PODNL1: variants seen among roughly 807,000 people sequenced by gnomAD.
The protein encoded by PODNL1 is podocan like 1.
A neutral mutation model predicts 45.1 loss-of-function variants in PODNL1; 50 were observed. That is an observed-to-expected ratio of 1.11 (90% CI 0.88 to 1.40). The LOEUF (loss-of-function observed/expected upper bound fraction) is 1.40, where lower values mean the gene tolerates loss of function less well. Ranked by LOEUF, PODNL1 falls within the 40% of genes most tolerant of loss-of-function variation. The pLI, the probability that PODNL1 is intolerant of heterozygous loss-of-function variation, is 0.00. For synonymous variants in PODNL1, 406 were observed against 372.5 expected (o/e 1.09, Z -1.04); for missense variants, 788 against 793.3 (o/e 0.99, Z 0.08).
chr19:13,947,184 A>C (rs1972849105), intron 1 of PODNL1, among the ~76,000 whole-genome samples: 2 of 145,004 alleles, frequency 1.4e-5, no homozygotes, highest in African/African-American at 5.3e-5. Context: ...AAAAAAAAAA[A>C]AAAAAAAAAA....
chr19:13,932,575 C>G (rs984248444), intron 8 of PODNL1: 2 of 1,283,862 alleles, frequency 1.6e-6, no homozygotes, highest in African/African-American at 1.5e-5. Flanking sequence ...AGGCTGGTCT[C>G]AAACCCATAG....
intron 1 of PODNL1, among the ~76,000 whole-genome samples, chr19:13,945,251 C>A (rs1332336838): frequency 6.6e-6 from 1 of 151,962 alleles, no homozygotes; most frequent in Non-Finnish European, 1.5e-5. Flanking sequence ...TGGCTCACAC[C>A]TGTAATCCTA....
At chr19:13,934,062 T>A (rs1245336244) in intron 6 of PODNL1, 69 bp from the exon 7 acceptor site, 5 of 1,447,918 alleles carry the variant, frequency 3.5e-6, no homozygotes, top group Non-Finnish European at 9.5e-7. Flanking sequence ...AGACGGCTCT[T>A]GAGTAAGGGA....
chr19:13,950,258 C>G (rs545967515), intron 1 of PODNL1, among the ~76,000 whole-genome samples: 1 of 152,298 alleles, frequency 6.6e-6, no homozygotes, highest in East Asian at 1.9e-4. Context: ...GCCTTGACCT[C>G]CTGGGCTCAA....
At position 13,933,959 on chromosome 19, in the gene PODNL1, A is replaced by C; in HGVS notation, c.686T>G (p.Leu229Arg). 6.2e-7 allele frequency: 1 copy of C among 1,611,804 alleles called. No individual in the cohort carries two copies. Among genetic ancestry groups the C allele is most frequent in the Non-Finnish European group, 8.5e-7 (1 of 1,179,004 alleles). Residue 229 changes from leucine (L) to arginine (R), a missense_variant, in exon 7 of 10, where the codon CTG becomes CGG. Transcript: ENST00000588872. The surrounding 1 kb of genome is among the most constrained non-coding windows in gnomAD (Gnocchi z 5.2). Reference protein sequence around the residue: ...NLISKVPRGALSRQTQLRELY... With the variant: ...NLISKVPRGARSRQTQLRELY... Reference sequence around the variant, plus strand: ...CTCACGGAGTTGAGTCTGGCGGCTCAGGGCTCCTCGGGGCACCTTGGAGAT... The same window carrying C: ...CTCACGGAGTTGAGTCTGGCGGCTCCGGGCTCCTCGGGGCACCTTGGAGAT...
chr19:13,946,002 C>G (rs373986422), intron 1 of PODNL1, among the ~76,000 whole-genome samples: 75 of 152,044 alleles, frequency 4.9e-4, no homozygotes, highest in African/African-American at 1.8e-3. Context: ...AGTGCCACTG[C>G]ACTCCAACTT....
chr19:13,947,637 C>T (rs1444712947), intron 1 of PODNL1, among the ~76,000 whole-genome samples: 1 of 152,130 alleles, frequency 6.6e-6, no homozygotes, highest in Non-Finnish European at 1.5e-5. Context: ...GAAGGAAAAA[C>T]AGTCTGTTTG....
chr19:13,941,029 G>C (rs1972639267), upstream of PODNL1, among the ~76,000 whole-genome samples: 1 of 152,024 alleles, frequency 6.6e-6, no homozygotes. Flanking sequence ...CTGGATGACA[G>C]AGTGAGACCC....
At chr19:13,939,091 A>G (rs73515535), upstream of PODNL1, among the ~76,000 whole-genome samples, 2,433 of 152,320 alleles carry the variant, frequency 0.016, 73 homozygotes, top group African/African-American at 0.054. Flanking sequence ...GGCTTCAGAC[A>G]GGTCCTTCTC....
chr19:13,938,264 C>G lies in PODNL1; in HGVS notation c.-83G>C. On this transcript the variant is annotated 5_prime_UTR_variant, in exon 1 of 10. Coordinates refer to ENST00000588872, the MANE Select transcript of PODNL1 (RefSeq NM_001370095.3). The stretch of plus-strand genomic sequence containing the variant: ...ACCAGGCGGTCACCTCCTGGAGCCT[C>G]TGCTGTGGCCACCACCGCCCCCCAT... 1 of 1,534,988 alleles carries G rather than the reference C, an allele frequency of 6.5e-7. No individual in the cohort carries two copies. The highest frequency in any genetic ancestry group is 8.7e-7 in the Non-Finnish European group (1 of 1,143,544).
At chr19:13,934,155 A>C in intron 6 of PODNL1, 99 bp downstream of exon 6, 1 of 1,396,540 alleles carries the variant, frequency 7.2e-7, no homozygotes, top group Non-Finnish European at 9.6e-7. Context: ...TGGCATTCTG[A>C]GGGGCAATTG....
At chr19:13,953,229 AC>A (rs1973168794) in exon 1 of PODNL1, 1 of 1,251,310 alleles carries the variant, frequency 8.0e-7, no homozygotes, top group Admixed American at 2.8e-5. Flanking sequence ...CAGACTGGAA[AC>A]TCCCAGAGCT....
upstream of PODNL1, among the ~76,000 whole-genome samples, chr19:13,942,143 T>C (rs1000279383): frequency 6.6e-6 from 1 of 152,130 alleles, no homozygotes; most frequent in Non-Finnish European, 1.5e-5. Context: ...CTCTTTCCAT[T>C]GCAAAGGAAG....
intron 5 of PODNL1, 51 bp from the exon 6 acceptor site, chr19:13,934,461 C>T (rs1599429018): frequency 6.9e-7 from 1 of 1,452,162 alleles, no homozygotes. Context: ...CTCCTACCAC[C>T]CCACTCCCGC....
At position 13,937,359 on chromosome 19, in the gene PODNL1, AC is replaced by A. The variant is rs1350525304; in HGVS notation, c.225+425del. On this transcript the variant is annotated intron_variant, in intron 2 of 9. Transcript: ENST00000588872. ...CGCAATCGACCCCAAATGCGCCATC[AC>A]CCCCACAATCGACCACAATGCGACA... Among the ~76,000 whole-genome samples, 3 of 60,676 alleles carry A rather than the reference AC, an allele frequency of 4.9e-5. 1 individual carries two copies. The allele number at this position is 60,676 out of a possible 152,430, so 39.8% of individuals were successfully genotyped here.
Position 13,935,953 on chromosome 19 carries a change from G to A in PODNL1, c.384+27C>T, listed in dbSNP as rs369046062. ...CTGAAGCTGCACCCTCACTGGGCTC[G>A]GCCTGCGGGTGGGGCTGGGGGCTCA... On this transcript the variant is annotated intron_variant, in intron 4 of 9. Transcript: ENST00000588872. 75 of 1,550,218 alleles carry A rather than the reference G, an allele frequency of 4.8e-5. No individual in the cohort carries two copies. The African/African-American group carries it at 5.3e-4, about 11-fold the overall frequency.
At chr19:13,947,306 C>T (rs867082409) in intron 1 of PODNL1, among the ~76,000 whole-genome samples, 1 of 150,828 alleles carries the variant, frequency 6.6e-6, no homozygotes, top group Non-Finnish European at 1.5e-5. Context: ...CATGGCGAAA[C>T]CCCGTCTCTA....
At chr19:13,932,641 C>A in intron 8 of PODNL1, 157 bp downstream of exon 8, 8 of 1,533,460 alleles carry the variant, frequency 5.2e-6, no homozygotes, top group Admixed American at 1.9e-5. Context: ...CAGGCATGAG[C>A]CACCTCACCC....
rs1230212959 is a variant in PODNL1 at position 13,935,824 on chromosome 19, C to T, written c.391G>A (p.Val131Met). ...GACCGGGGCAGAAACTGAGGGGCCA[C>T]TGAGAGCTGTGGGGACACAGCCCAC... ...HLCVAHNKLSVAPQFLPRSLR... is the reference protein window; with the variant it reads ...HLCVAHNKLSMAPQFLPRSLR... The change falls in exon 5 of 10, where the codon GTG becomes ATG. Residue 131 changes from valine (V) to methionine (M), a missense_variant. This residue lies in a region of PODNL1 where 762 missense variants were observed against 750.9 expected (regional missense o/e 1.01). Transcript: ENST00000588872. 3 of 1,602,812 alleles carry T rather than the reference C, an allele frequency of 1.9e-6. No homozygotes were observed. Among genetic ancestry groups the T allele is most frequent in the Non-Finnish European group, 2.5e-6 (3 of 1,176,490 alleles).
Sources: allele counts gnomAD v4.1 joint callset (sites outside exome capture counted in the v4.1 genomes callset), GRCh38; gene constraint gnomAD v4.1.1; regional missense constraint gnomAD v4.1.1; non-coding constraint Gnocchi (gnomAD v3.1); transcripts MANE v1.5; gene names NCBI Gene and HGNC (gene_info 2026-07-23, HGNC 2026-07-21).